The following HPSE2 variants were observed in gnomAD, a reference collection of about 807,000 sequenced individuals.
HPSE2 encodes heparanase 2 (inactive), also known as inactive heparanase-2.
In HPSE2, 38 loss-of-function variants were observed where a neutral mutation model predicts 60.5. The observed-to-expected ratio is 0.63, with a 90% CI of 0.48 to 0.82. The LOEUF is 0.82. HPSE2 is among the 40% of genes least tolerant of loss of function. HPSE2 has a pLI of 0.00. For missense variants in HPSE2, 713 were observed against 740.4 expected, an observed-to-expected ratio of 0.96 and a Z score of 0.43; for synonymous variants, 295 against 293.2, an observed-to-expected ratio of 1.01 and a Z score of -0.06.
chr10:98,608,411 G>A (rs1276901601), intron 9 of HPSE2, among the ~76,000 whole-genome samples: 1 of 152,180 alleles, frequency 6.6e-6, no homozygotes, highest in Non-Finnish European at 1.5e-5. Context: ...TGTGCACACC[G>A]CTCAGGCTGA....
At chr10:98,932,037 G>C (rs1954655486) in intron 3 of HPSE2, among the ~76,000 whole-genome samples, 1 of 143,638 alleles carries the variant, frequency 7.0e-6, no homozygotes, top group South Asian at 2.1e-4. Context: ...GGGCATCCTT[G>C]TCTTGTGCCA....
intron 7 of HPSE2, among the ~76,000 whole-genome samples, chr10:98,635,551 C>A (rs1397888182): frequency 1.3e-5 from 2 of 152,048 alleles, no homozygotes; most frequent in African/African-American, 4.8e-5. Flanking sequence ...GTGGCTGGGG[C>A]AGGAGAGTCA....
intron 9 of HPSE2, among the ~76,000 whole-genome samples, chr10:98,514,006 G>C (rs895459434): frequency 6.6e-6 from 1 of 152,054 alleles, no homozygotes; most frequent in Non-Finnish European, 1.5e-5. Flanking sequence ...CAGCCCAAGA[G>C]TCCATCAACA....
intron 2 of HPSE2, among the ~76,000 whole-genome samples, chr10:99,150,350 G>A (rs1846214094): frequency 6.6e-6 from 1 of 152,108 alleles, no homozygotes; most frequent in East Asian, 1.9e-4. Context: ...TTTTAAGACA[G>A]TGTCTTACTC....
At chr10:98,836,428 C>G (rs531674929) in intron 3 of HPSE2, among the ~76,000 whole-genome samples, 3 of 152,290 alleles carry the variant, frequency 2.0e-5, no homozygotes, top group Admixed American at 2.0e-4. Context: ...TTGTCTTTAT[C>G]CATTTACATA....
In HPSE2 at chr10:98,705,276, G is replaced by A. The variant is rs368307484; in HGVS notation, c.957-11329C>T. Among the ~76,000 whole-genome samples, 37 of 152,282 alleles carry A rather than the reference G, an allele frequency of 2.4e-4. No homozygotes were observed. In the South Asian group the frequency reaches 2.5e-3, roughly 10 times the overall value. ...AAACAATAGATGCTGGCGAAGCTGC[G>A]GAGAAATAGGAATGCTTTTACACTG... is the stretch of plus-strand genomic sequence containing the variant. On this transcript the variant is annotated intron_variant, in intron 5 of 11. Transcript: ENST00000370552.
chr10:98,713,087 G>A (rs1315668864), intron 5 of HPSE2, among the ~76,000 whole-genome samples: 1 of 151,998 alleles, frequency 6.6e-6, no homozygotes, highest in East Asian at 1.9e-4. Flanking sequence ...CCAGTCATGT[G>A]GGGAGGAGAC....
intron 3 of HPSE2, among the ~76,000 whole-genome samples, chr10:99,025,342 T>C (rs1386740177): frequency 6.6e-6 from 1 of 152,146 alleles, no homozygotes; most frequent in Non-Finnish European, 1.5e-5. Context: ...AGCAATCCCA[T>C]TACTGGGTAT....
chr10:99,028,478 T>C (rs977849791), intron 3 of HPSE2, among the ~76,000 whole-genome samples: 13 of 152,028 alleles, frequency 8.6e-5, no homozygotes, highest in African/African-American at 2.7e-4. Context: ...ATGAAAGAAA[T>C]TGAAGAGGTC....
At chr10:98,564,075 G>C (rs963511713) in intron 9 of HPSE2, among the ~76,000 whole-genome samples, 1 of 152,258 alleles carries the variant, frequency 6.6e-6, no homozygotes, top group South Asian at 2.1e-4. Flanking sequence ...CCTCCCTTTA[G>C]TGAGAGCTGG....
the HPSE2 span, among the ~76,000 whole-genome samples, chr10:99,289,761 C>T: frequency 6.6e-6 from 1 of 152,122 alleles, no homozygotes; most frequent in Non-Finnish European, 1.5e-5. Flanking sequence ...AAGTCAGAAG[C>T]TTATTTGTAA....
chr10:99,282,350 A>G, the HPSE2 span, among the ~76,000 whole-genome samples: 5 of 152,230 alleles, frequency 3.3e-5, no homozygotes, highest in Non-Finnish European at 5.9e-5. Flanking sequence ...TTATATACAT[A>G]TGCACAAAGT....
chr10:99,002,981 C>A (rs1956810058), intron 3 of HPSE2, among the ~76,000 whole-genome samples: 1 of 149,544 alleles, frequency 6.7e-6, no homozygotes, highest in Non-Finnish European at 1.5e-5. Flanking sequence ...TGTCTCCTAT[C>A]TAACTGAAAT....
rs189413137 is a variant in HPSE2, at chr10:98,832,168, A to C, written c.611-88112T>G. Among the ~76,000 whole-genome samples the C allele has an allele frequency of 3.2e-4, 48 of 152,252 alleles. No homozygotes were observed. The East Asian group carries it at 3.7e-3, about 12-fold the overall frequency. On this transcript the variant is annotated intron_variant, in intron 3 of 11. Coordinates refer to ENST00000370552, the MANE Select transcript of HPSE2 (RefSeq NM_021828.5). The stretch of plus-strand genomic sequence containing the variant: ...CTGTCCGCCTTGTGGTGTTCAGTCA[A>C]TCTCCAATTGATATAATGCTTTGAT...
intron 9 of HPSE2, among the ~76,000 whole-genome samples, chr10:98,572,841 C>G (rs1944537056): frequency 6.6e-6 from 1 of 152,180 alleles, no homozygotes; most frequent in African/African-American, 2.4e-5. Flanking sequence ...GCAAGGCCTG[C>G]CCAGACTAAG....
Position 98,468,534 on chromosome 10 carries a change from C to G in HPSE2, c.1614-8795G>C, listed in dbSNP as rs58323060. 7.3e-3 allele frequency among the ~76,000 whole-genome samples: 1,112 copies of G among 152,242 alleles called. 15 individuals are homozygous for G. Among genetic ancestry groups the G allele is most frequent in the African/African-American group, 0.026 (1,070 of 41,534 alleles). ...TCCTGCTTGGGACCTCACCTGATAA[C>G]AAGCTGGGAGAGCGGCACATTATCT... On this transcript the variant is annotated intron_variant, in intron 11 of 11. Coordinates refer to ENST00000370552, the MANE Select transcript of HPSE2 (RefSeq NM_021828.5).
chr10:99,003,782 C>A (rs1005419677), intron 3 of HPSE2, among the ~76,000 whole-genome samples: 4 of 152,052 alleles, frequency 2.6e-5, no homozygotes, highest in Non-Finnish European at 5.9e-5. Context: ...GTTCTTTCAA[C>A]ATTCTGTTGA....
In HPSE2 at chr10:98,954,265, C is replaced by T. The variant is rs753400686; in HGVS notation, c.610+189973G>A. 2.0e-5 allele frequency among the ~76,000 whole-genome samples: 3 copies of T among 151,882 alleles called. No homozygotes were observed. In the South Asian group the frequency reaches 6.2e-4, roughly 32 times the overall value. On this transcript the variant is annotated intron_variant, in intron 3 of 11. Coordinates refer to ENST00000370552, the MANE Select transcript of HPSE2 (RefSeq NM_021828.5). ...GAGGTTGCAGTGAGCAGAGATCGCA[C>T]CACTGTACTCCAGCCTAGGCGAGAG...
intron 9 of HPSE2, among the ~76,000 whole-genome samples, chr10:98,586,848 T>C (rs904953770): frequency 6.6e-6 from 1 of 152,202 alleles, no homozygotes; most frequent in African/African-American, 2.4e-5. Context: ...TGCTCCACAC[T>C]TTGGGAAACA....
Sources: gnomAD v4.1 joint callset for allele counts (sites outside exome capture counted in the v4.1 genomes callset) on GRCh38, gnomAD v4.1.1 for gene constraint, MANE v1.5 for transcripts, NCBI Gene and HGNC (gene_info 2026-07-23, HGNC 2026-07-21) for gene names.